Variants in GATA3 observed in about 807,000 individuals in gnomAD.
GATA3 encodes GATA binding protein 3, also known as trans-acting T-cell-specific transcription factor GATA-3.
GATA3 carries 6 observed loss-of-function variants against 36.0 expected under a neutral mutation model. The observed-to-expected ratio is 0.17, with a 90% CI of 0.09 to 0.33. GATA3 has a LOEUF of 0.33. Among genes scored for constraint, GATA3 ranks in the 10% least tolerant of loss-of-function variants. The pLI is 1.00. For synonymous variants in GATA3, 326 were observed against 273.0 expected (o/e 1.19, Z -1.92); for missense variants, 514 against 610.1 (o/e 0.84, Z 1.66).
chr10:8,064,879 A>C (rs1832810282), intron 4 of GATA3, among the ~76,000 whole-genome samples: 1 of 152,192 alleles, frequency 6.6e-6, no homozygotes, highest in South Asian at 2.1e-4. Context: ...TCTTTTAAAA[A>C]CTTTTTAAGC....
At chr10:8,064,234 G>T in intron 4 of GATA3, 96 bp downstream of exon 4, 2 of 1,477,322 alleles carry the variant, frequency 1.4e-6, no homozygotes, top group Non-Finnish European at 1.9e-6. Context: ...AAATTGACAG[G>T]ATAGCCTCCA....
At position 8,064,857 on chromosome 10, in the gene GATA3, C is replaced by T. The variant is rs1235327232; in HGVS notation, c.924+719C>T. ...CAGTAAGGTGATAGTTTTTTCTCTCCTCTCTCATTATTCTTTTAAAAACTT... is the reference window on the plus strand; with the variant it reads ...CAGTAAGGTGATAGTTTTTTCTCTCTTCTCTCATTATTCTTTTAAAAACTT... On this transcript the variant is annotated intron_variant, in intron 4 of 5. Coordinates refer to ENST00000379328, the MANE Select transcript of GATA3 (RefSeq NM_001002295.2). Among the ~76,000 whole-genome samples, 7 of 152,224 alleles carry T rather than the reference C, an allele frequency of 4.6e-5. No homozygotes were observed. In the East Asian group the frequency reaches 1.3e-3, roughly 29 times the overall value.
chr10:8,065,430 G>C (rs1378574443), intron 4 of GATA3, among the ~76,000 whole-genome samples: 1 of 151,504 alleles, frequency 6.6e-6, no homozygotes, highest in Non-Finnish European at 1.5e-5. Context: ...GCAAATTTTT[G>C]TATTTTCAGT....
At chr10:8,051,113 C>T (rs1164220324), upstream of GATA3, 1 of 530,260 alleles carries the variant, frequency 1.9e-6, no homozygotes, top group Non-Finnish European at 3.9e-6. Flanking sequence ...GACTGGGTTT[C>T]CCCACTTCCA....
At chr10:8,058,903 G>A in intron 3 of GATA3, 62 bp downstream of exon 3, 3 of 1,524,542 alleles carry the variant, frequency 2.0e-6, no homozygotes, top group South Asian at 1.1e-5. Flanking sequence ...CTCAATCCAG[G>A]GCCGCACCCA....
At chr10:8,064,911 C>T (rs1337851412) in intron 4 of GATA3, among the ~76,000 whole-genome samples, 1 of 137,482 alleles carries the variant, frequency 7.3e-6, no homozygotes, top group Non-Finnish European at 1.6e-5. Flanking sequence ...TTGAGAAAAC[C>T]TGGCTCTGTC....
At chr10:8,047,183 C>A (rs966330421) in intron 1 of GATA3, among the ~76,000 whole-genome samples, 1 of 152,104 alleles carries the variant, frequency 6.6e-6, no homozygotes, top group Non-Finnish European at 1.5e-5. Context: ...TTTGGGTTGT[C>A]CAGTTGCCCT....
chr10:8,074,913 G>A lies in GATA3; in HGVS notation c.*890G>A, dbSNP rs1832991016. ...GGCCTAAGGTGGTTGTGCTCGGAGG[G>A]TTTCTTGTTTCTTTTCCATTTTGTT... is the stretch of plus-strand genomic sequence containing the variant. On this transcript the variant is annotated 3_prime_UTR_variant, in exon 6 of 6. Transcript: ENST00000379328. The A allele has an allele frequency of 4.3e-6, 1 of 233,710 alleles. No homozygotes were observed. The highest frequency in any genetic ancestry group is 8.5e-6 in the Non-Finnish European group (1 of 118,072). 14.5% of individuals were successfully genotyped at this position (233,710 alleles called of 1,614,324 possible).
chr10:8,070,884 C>A (rs544252666), intron 5 of GATA3, among the ~76,000 whole-genome samples: 2 of 152,244 alleles, frequency 1.3e-5, no homozygotes, highest in African/African-American at 2.4e-5. Context: ...GGACTGTGGT[C>A]TATATACATT....
At chr10:8,058,263 C>T (rs1408843859) in intron 2 of GATA3, 42 bp from the exon 3 acceptor site, 1 of 1,608,464 alleles carries the variant, frequency 6.2e-7, no homozygotes, top group Non-Finnish European at 8.5e-7. Flanking sequence ...GGGCCACACT[C>T]ACCCTCCTTC....
chr10:8,046,668 T>TGTGC (rs970522376), intron 1 of GATA3, among the ~76,000 whole-genome samples: 1 of 149,158 alleles, frequency 6.7e-6, no homozygotes, highest in Admixed American at 6.6e-5. Flanking sequence ...TGTGTGTGTG[T>TGTGC]GTGTGTGTGT....
At chr10:8,070,559 T>C (rs1164290991) in intron 5 of GATA3, among the ~76,000 whole-genome samples, 2 of 152,186 alleles carry the variant, frequency 1.3e-5, no homozygotes, top group Non-Finnish European at 1.5e-5. Context: ...CAACCTGACT[T>C]TGGCAAAGTC....
Position 8,066,664 on chromosome 10 carries a change from G to A in GATA3, c.924+2526G>A, listed in dbSNP as rs9664358. On this transcript the variant is annotated intron_variant, in intron 4 of 5. Coordinates refer to ENST00000379328, the MANE Select transcript of GATA3 (RefSeq NM_001002295.2). ...CCTGAAAAAACTAATGCAAGAAATA[G>A]GAGAGATGACCGAAGGGAAGACTCA... Among the ~76,000 whole-genome samples the A allele has an allele frequency of 1.3e-3, 201 of 152,240 alleles. 2 individuals carry two copies. The Middle Eastern group carries it at 0.024, about 18-fold the overall frequency.
chr10:8,049,251 A>G (rs1363197384), upstream of GATA3, among the ~76,000 whole-genome samples: 1 of 152,028 alleles, frequency 6.6e-6, no homozygotes, highest in Admixed American at 6.5e-5. Flanking sequence ...CCGCGAGGAG[A>G]GTTGCCCCTT....
At chr10:8,056,048 TG>T in intron 2 of GATA3, 152 bp downstream of exon 2, 1 of 1,042,736 alleles carries the variant, frequency 9.6e-7, no homozygotes. Context: ...GGCCCGGAAA[TG>T]GGCGAGGAAG....
At chr10:8,052,245 C>A (rs1832515111), upstream of GATA3, 1 of 151,992 alleles carries the variant, frequency 6.6e-6, no homozygotes, top group Non-Finnish European at 1.5e-5. Context: ...CCAAGAAGGG[C>A]CTTCGAGATC....
At chr10:8,073,018 G>A (rs547666580) in intron 5 of GATA3, among the ~76,000 whole-genome samples, 7 of 151,994 alleles carry the variant, frequency 4.6e-5, no homozygotes, top group East Asian at 1.9e-4. Context: ...GGTGGCAGGC[G>A]CCTCTAGTCC....
chr10:8,053,119 A>G (rs1271397121), upstream of GATA3: 1 of 152,202 alleles, frequency 6.6e-6, no homozygotes, highest in East Asian at 1.9e-4. This position sits in a 1 kb window ranked among gnomAD's most constrained non-coding sequence, Gnocchi z 5.1. Flanking sequence ...CGACCCTCAC[A>G]CACCAAGGTG....
Position 8,055,627 on chromosome 10 carries a change from G to T in GATA3, c.-29G>T. The T allele has an allele frequency of 6.5e-7, 1 of 1,543,670 alleles. No individual in the cohort carries two copies. The highest frequency in any genetic ancestry group is 1.4e-5 in the African/African-American group (1 of 73,098). ...CTCCCCGCGCGCGGGTTCCGGGCCC[G>T]GCGAGAGGGCGCGAGCACAGCCGAG... is the stretch of plus-strand genomic sequence containing the variant. On this transcript the variant is annotated 5_prime_UTR_variant, in exon 2 of 6. Transcript: ENST00000379328. The surrounding 1 kb of genome is among the most constrained non-coding windows in gnomAD (Gnocchi z 5.4).
Sources: gnomAD v4.1 joint callset for allele counts (sites outside exome capture counted in the v4.1 genomes callset) on GRCh38, gnomAD v4.1.1 for gene constraint, Gnocchi (gnomAD v3.1) non-coding constraint, MANE v1.5 for transcripts, NCBI Gene and HGNC (gene_info 2026-07-23, HGNC 2026-07-21) for gene names.